CCDC81: variants seen among roughly 807,000 people sequenced by gnomAD.
CCDC81 encodes the protein coiled-coil domain containing 81, also known as coiled-coil domain-containing protein 81.
A neutral mutation model predicts 83.7 loss-of-function variants in CCDC81; 79 were observed. That is an observed-to-expected ratio of 0.94 (90% CI 0.79 to 1.14). The LOEUF (loss-of-function observed/expected upper bound fraction) is 1.14. CCDC81 is among the 50% of genes most tolerant of loss of function. The pLI is 0.00. For synonymous variants in CCDC81, 252 were observed against 278.1 expected (o/e 0.91, Z 0.93); for missense variants, 791 against 778.1 (o/e 1.02, Z -0.20).
intron 4 of CCDC81, among the ~76,000 whole-genome samples, chr11:86,394,749 G>C (rs1295175692): frequency 1.3e-5 from 2 of 152,262 alleles, no homozygotes; most frequent in Non-Finnish European, 1.5e-5. Flanking sequence ...GTTAAAATGT[G>C]ACAATGTGAC....
chr11:86,408,944 C>T (rs1349997989), intron 9 of CCDC81, among the ~76,000 whole-genome samples: 4 of 149,058 alleles, frequency 2.7e-5, no homozygotes, highest in Non-Finnish European at 6.0e-5. Context: ...GGCACTTTTA[C>T]ACTTGCTGTA....
Position 86,386,032 on chromosome 11 carries a change from G to C in CCDC81, c.80-19G>C. 7.0e-7 allele frequency: 1 copy of C among 1,419,628 alleles called. No individual in the cohort carries two copies. The highest frequency in any genetic ancestry group is 9.7e-7 in the Non-Finnish European group (1 of 1,026,022). The allele number at this position is 1,419,628 out of a possible 1,614,324, so 87.9% of individuals were successfully genotyped here. On this transcript the variant is annotated intron_variant, in intron 1 of 14. Transcript: ENST00000445632. ...TGCGCATATAAATTGAATAATTTCT[G>C]GTTACTTTTGAATTTCAGAAGTCTC...
Position 86,412,375 on chromosome 11 carries a change from C to T in CCDC81, c.1219-12C>T. The T allele has an allele frequency of 1.3e-6, 2 of 1,565,720 alleles. No homozygotes were observed. Among genetic ancestry groups the T allele is most frequent in the Non-Finnish European group, 8.6e-7 (1 of 1,158,302 alleles). ...ACTCTAGCATAAATGAATTGCTTCT[C>T]TTTCATTCTAGAAATCCTTCCTATT... On this transcript the variant is annotated splice_polypyrimidine_tract_variant and intron_variant, in intron 10 of 14. Transcript: ENST00000445632.
rs761261843 is a variant in CCDC81 at position 86,408,250 on chromosome 11, G to A, written c.1093G>A (p.Glu365Lys). 4.3e-6 allele frequency: 7 copies of A among 1,613,156 alleles called. No homozygotes were observed. Among genetic ancestry groups the A allele is most frequent in the African/African-American group, 1.3e-5 (1 of 74,878 alleles). The change falls in exon 9 of 15, where the codon GAG (glutamate) becomes AAG (lysine). Residue 365 changes from glutamate (E) to lysine (K), a missense_variant. Transcript: ENST00000445632. ...GCAGTATCAGATGTTAAAGGATCAG[G>A]AGGCTCTCTTCAGACACCAGGTAGT... Reference protein sequence around the residue: ...IQQYQMLKDQEALFRHQMKSL... With the variant: ...IQQYQMLKDQKALFRHQMKSL...
intron 14 of CCDC81, among the ~76,000 whole-genome samples, chr11:86,420,539 C>G (rs1048154840): frequency 6.6e-6 from 1 of 151,986 alleles, no homozygotes; most frequent in Non-Finnish European, 1.5e-5. Flanking sequence ...ATTCACATCA[C>G]TACTGTTGTA....
chr11:86,392,325 C>T (rs1227751392), intron 3 of CCDC81, among the ~76,000 whole-genome samples: 2 of 152,156 alleles, frequency 1.3e-5, no homozygotes, highest in Non-Finnish European at 2.9e-5. Context: ...GAGCATTGAA[C>T]CTTATACTTT....
chr11:86,408,370 T>TGC, intron 9 of CCDC81, 100 bp downstream of exon 9: 1 of 1,180,646 alleles, frequency 8.5e-7, no homozygotes, highest in Non-Finnish European at 1.1e-6. Context: ...TCTCACTCTG[T>TGC]CACCCAGGTT....
chr11:86,400,706 T>TA lies in CCDC81; in HGVS notation c.787dup (p.Arg263LysfsTer19), dbSNP rs1565764662. 6.2e-7 allele frequency: 1 copy of TA among 1,612,284 alleles called. No individual in the cohort carries two copies. The highest frequency in any genetic ancestry group is 2.2e-5 in the East Asian group (1 of 44,832). ...TCTCATCACCCAAAAGACTTCGAGA[T>TA]AGACAAGCTTTGTTCCCTGCCAAAG... On this transcript the variant is annotated frameshift_variant, in exon 7 of 15. Transcript: ENST00000445632. LOFTEE classifies it high-confidence loss of function.
At chr11:86,407,746 G>T (rs1439231085) in intron 8 of CCDC81, 45 bp downstream of exon 8, 1 of 1,442,740 alleles carries the variant, frequency 6.9e-7, no homozygotes, top group Non-Finnish European at 9.7e-7. Flanking sequence ...ATCTTATACT[G>T]ATTTTTGTTT....
At chr11:86,415,696 C>T (rs779872477) in intron 13 of CCDC81, among the ~76,000 whole-genome samples, 7 of 152,046 alleles carry the variant, frequency 4.6e-5, no homozygotes, top group Non-Finnish European at 8.8e-5. Flanking sequence ...TTGATTGAGA[C>T]AGGGTTTTGC....
chr11:86,392,225 G>A (rs1593916420), intron 3 of CCDC81, among the ~76,000 whole-genome samples: 1 of 152,244 alleles, frequency 6.6e-6, no homozygotes, highest in African/African-American at 2.4e-5. Flanking sequence ...AACCCTCTGA[G>A]GAAGAGAATC....
At position 86,394,689 on chromosome 11, in the gene CCDC81, G is replaced by T. The variant is rs532510475; in HGVS notation, c.556-645G>T. 3.4e-5 allele frequency among the ~76,000 whole-genome samples: 5 copies of T among 149,182 alleles called. No homozygotes were observed. The East Asian group carries it at 9.6e-4, about 29-fold the overall frequency. On this transcript the variant is annotated intron_variant, in intron 4 of 14. Transcript: ENST00000445632. ...TTGGGAATTCACTTCAAAGGCTTTTGTAAGTGATAGCATTCATGCAAAAAT... is the reference window on the plus strand; with the variant it reads ...TTGGGAATTCACTTCAAAGGCTTTTTTAAGTGATAGCATTCATGCAAAAAT...
intron 3 of CCDC81, among the ~76,000 whole-genome samples, chr11:86,389,607 G>T (rs1451676900): frequency 6.6e-6 from 1 of 152,094 alleles, no homozygotes; most frequent in African/African-American, 2.4e-5. Context: ...GATCTCATGA[G>T]AACTCACTCA....
intron 10 of CCDC81, 110 bp downstream of exon 10, chr11:86,409,475 T>C (rs2138532180): frequency 2.0e-6 from 1 of 502,658 alleles, no homozygotes; most frequent in Non-Finnish European, 3.5e-6. Context: ...TTTTTTGAGA[T>C]GGAGTCTTGC....
intron 3 of CCDC81, among the ~76,000 whole-genome samples, chr11:86,388,385 T>G (rs890838508): frequency 1.3e-5 from 2 of 152,190 alleles, no homozygotes; most frequent in Non-Finnish European, 2.9e-5. Context: ...CTTGGTTACT[T>G]AGCAGCCTTT....
intron 2 of CCDC81, among the ~76,000 whole-genome samples, chr11:86,387,010 A>G (rs1039595955): frequency 2.0e-5 from 3 of 152,104 alleles, no homozygotes; most frequent in African/African-American, 7.2e-5. Context: ...GGAGACAGAA[A>G]CCCAGTATGA....
chr11:86,375,673 ATG>A (rs1948089871), intron 1 of CCDC81, among the ~76,000 whole-genome samples: 1 of 152,158 alleles, frequency 6.6e-6, no homozygotes, highest in Non-Finnish European at 1.5e-5. Flanking sequence ...TATTAAGAAA[ATG>A]AGATGATCAT....
Position 86,392,636 on chromosome 11 carries a change from C to CT in CCDC81, c.401dup (p.Leu134PhefsTer34), listed in dbSNP as rs775314659. The stretch of plus-strand genomic sequence containing the variant: ...GGAAGGATGTGTGAAGGAGACGTTG[C>CT]TTTTTTTATCGCGTTCCATTTCCAT... On this transcript the variant is annotated frameshift_variant, in exon 4 of 15. Transcript: ENST00000445632. LOFTEE classifies it high-confidence loss of function. The CT allele has an allele frequency of 1.3e-6, 2 of 1,551,570 alleles. No individual in the cohort carries two copies. Among genetic ancestry groups the CT allele is most frequent in the African/African-American group, 1.4e-5 (1 of 73,124 alleles).
intron 14 of CCDC81, among the ~76,000 whole-genome samples, chr11:86,421,283 A>G (rs745868694): frequency 1.3e-5 from 2 of 152,204 alleles, no homozygotes; most frequent in Non-Finnish European, 1.5e-5. Context: ...AAGGTAGTTT[A>G]TTCTTTTTTC....
Sources: allele counts gnomAD v4.1 joint callset (sites outside exome capture counted in the v4.1 genomes callset), GRCh38; gene constraint gnomAD v4.1.1; transcripts MANE v1.5; gene names NCBI Gene and HGNC (gene_info 2026-07-23, HGNC 2026-07-21).